The following POU6F2 variants were observed in gnomAD, a reference collection of about 807,000 sequenced individuals.
The protein encoded by POU6F2 is POU class 6 homeobox 2.
A neutral mutation model predicts 71.3 loss-of-function variants in POU6F2; 31 were observed. That is an observed-to-expected ratio of 0.43 (90% confidence interval 0.33 to 0.59). POU6F2 has a LOEUF of 0.59. Ranked by LOEUF, POU6F2 falls within the 20% of genes least tolerant of loss-of-function variation. POU6F2 has a pLI of 0.04. For synonymous variants in POU6F2, 347 were observed against 355.7 expected, an observed-to-expected ratio of 0.98 and a Z score of 0.27; for missense variants, 783 against 856.8, an observed-to-expected ratio of 0.91 and a Z score of 1.07.
rs1554313685 is a variant in POU6F2, at chr7:39,056,662, C to CTCTGTG, written c.106-29197_106-29196insCTGTGT. 1.8e-3 allele frequency among the ~76,000 whole-genome samples: 199 copies of CTCTGTG among 113,408 alleles called. 2 individuals carry two copies. The highest frequency in any genetic ancestry group is 6.0e-3 in the African/African-American group (161 of 26,764). 74.4% of individuals were successfully genotyped at this position (113,408 alleles called of 152,430 possible). On this transcript the variant is annotated intron_variant, in intron 1 of 9. Coordinates refer to ENST00000518318, the MANE Select transcript of POU6F2 (RefSeq NM_001370959.1). The stretch of plus-strand genomic sequence containing the variant: ...TCTTTCTCTTTTTCTCTCTCTCTCT[C>CTCTGTG]TGTGTGTGTGTGTGTATGTGTGTGT...
chr7:39,462,323 G>A (rs1298555286), intron 9 of POU6F2, among the ~76,000 whole-genome samples: 3 of 152,162 alleles, frequency 2.0e-5, no homozygotes, highest in Non-Finnish European at 2.9e-5. Context: ...CGTTTTAGGA[G>A]CTATCTACCA....
At chr7:39,272,079 A>C (rs1299099117) in intron 4 of POU6F2, among the ~76,000 whole-genome samples, 1 of 152,122 alleles carries the variant, frequency 6.6e-6, no homozygotes, top group Non-Finnish European at 1.5e-5. Context: ...TTTGGAGATA[A>C]ATTTAAATAT....
intron 2 of POU6F2, among the ~76,000 whole-genome samples, chr7:39,167,776 T>C (rs893708603): frequency 1.4e-4 from 21 of 151,874 alleles, no homozygotes. Flanking sequence ...ATATTAATGC[T>C]CTAAATATTA....
chr7:39,180,746 G>A (rs972571589), intron 2 of POU6F2, among the ~76,000 whole-genome samples: 2 of 152,048 alleles, frequency 1.3e-5, no homozygotes, highest in African/African-American at 2.4e-5. Flanking sequence ...TTGAACAAGG[G>A]ACCCAGCACA....
At chr7:39,157,510 G>C (rs1191349558) in intron 2 of POU6F2, among the ~76,000 whole-genome samples, 13 of 152,138 alleles carry the variant, frequency 8.5e-5, no homozygotes, top group Admixed American at 8.5e-4. Context: ...GCTGTTTCTA[G>C]ATTATTAAAT....
chr7:39,334,849 G>T (rs2115585357), intron 4 of POU6F2, among the ~76,000 whole-genome samples: 1 of 152,284 alleles, frequency 6.6e-6, no homozygotes, highest in East Asian at 1.9e-4. Context: ...ACAGAGTTAG[G>T]GAGGCAAAGG....
intron 1 of POU6F2, among the ~76,000 whole-genome samples, chr7:39,071,586 G>A (rs142419820): frequency 6.6e-6 from 1 of 151,464 alleles, no homozygotes. Context: ...AGCTGAGGTG[G>A]GAGGATCACT....
At chr7:39,075,419 A>G (rs1790977332) in intron 1 of POU6F2, among the ~76,000 whole-genome samples, 1 of 152,116 alleles carries the variant, frequency 6.6e-6, no homozygotes, top group Non-Finnish European at 1.5e-5. Context: ...GGATTTTTGT[A>G]TTTATTTATG....
chr7:39,381,803 G>T (rs556885239), intron 5 of POU6F2, among the ~76,000 whole-genome samples: 2 of 152,226 alleles, frequency 1.3e-5, no homozygotes, highest in South Asian at 4.1e-4. Context: ...ATAATCAGTT[G>T]ATTAGATTCC....
intron 4 of POU6F2, among the ~76,000 whole-genome samples, chr7:39,266,415 A>G (rs1784243151): frequency 6.6e-6 from 1 of 152,212 alleles, no homozygotes; most frequent in Admixed American, 6.5e-5. Flanking sequence ...ACAGAAGGGC[A>G]AAATGCTCAG....
intron 1 of POU6F2, among the ~76,000 whole-genome samples, chr7:39,055,311 A>G (rs948385610): frequency 1.3e-5 from 2 of 152,154 alleles, no homozygotes; most frequent in African/African-American, 4.8e-5. Context: ...ATGAGAAAAG[A>G]TGCAATGGTG....
intron 4 of POU6F2, among the ~76,000 whole-genome samples, chr7:39,278,885 TG>T (rs1784510030): frequency 6.6e-6 from 1 of 152,172 alleles, no homozygotes; most frequent in Non-Finnish European, 1.5e-5. Flanking sequence ...GCTGGAGAAG[TG>T]AAACTCAAAC....
intron 5 of POU6F2, among the ~76,000 whole-genome samples, chr7:39,389,314 A>G (rs1335569021): frequency 6.6e-6 from 1 of 152,246 alleles, no homozygotes; most frequent in African/African-American, 2.4e-5. Context: ...GTCACTGATG[A>G]ATTCTAAAAT....
At chr7:39,260,710 C>T (rs984378303) in intron 4 of POU6F2, among the ~76,000 whole-genome samples, 2 of 151,786 alleles carry the variant, frequency 1.3e-5, no homozygotes, top group South Asian at 4.2e-4. Context: ...ATACATACCG[C>T]ACACCACATA....
At chr7:38,991,361 C>T (rs998427678) in intron 1 of POU6F2, among the ~76,000 whole-genome samples, 6 of 151,992 alleles carry the variant, frequency 3.9e-5, no homozygotes, top group East Asian at 1.9e-4. Flanking sequence ...CATTGAAAAC[C>T]GTGGCTTTAG....
At chr7:39,128,958 T>C (rs1792198101) in intron 2 of POU6F2, among the ~76,000 whole-genome samples, 2 of 152,208 alleles carry the variant, frequency 1.3e-5, no homozygotes, top group South Asian at 4.1e-4. Flanking sequence ...AAGACTCTCT[T>C]AATGCAGTTA....
intron 5 of POU6F2, among the ~76,000 whole-genome samples, chr7:39,364,486 A>T (rs1786457439): frequency 6.6e-6 from 1 of 152,092 alleles, no homozygotes; most frequent in Admixed American, 6.6e-5. Context: ...CTCATAGCTT[A>T]GCTTCCACTT....
At chr7:39,313,205 T>C (rs1445922264) in intron 4 of POU6F2, among the ~76,000 whole-genome samples, 1 of 152,036 alleles carries the variant, frequency 6.6e-6, no homozygotes, top group African/African-American at 2.4e-5. Context: ...CCAGCCTCAC[T>C]TCCCTCCTCC....
At chr7:39,425,733 CCTT>C (rs1787953289) in intron 6 of POU6F2, among the ~76,000 whole-genome samples, 1 of 152,152 alleles carries the variant, frequency 6.6e-6, no homozygotes, top group Non-Finnish European at 1.5e-5. Flanking sequence ...TCCCTTGTCT[CCTT>C]CTTGCCTTCA....
Sources: gnomAD v4.1 joint callset for allele counts (sites outside exome capture counted in the v4.1 genomes callset) on GRCh38, gnomAD v4.1.1 for gene constraint, MANE v1.5 for transcripts, NCBI Gene and HGNC (gene_info 2026-07-23, HGNC 2026-07-21) for gene names.